INTS4: variants seen among roughly 807,000 people sequenced by gnomAD.
INTS4 encodes the protein MSTP093.
A neutral mutation model predicts 119.5 loss-of-function variants in INTS4; 70 were observed. The ratio of observed to expected loss-of-function variants is 0.59; its 90% confidence interval spans 0.48 to 0.71. The LOEUF (loss-of-function observed/expected upper bound fraction) is 0.71, where lower values mean the gene tolerates loss of function less well. Among genes scored for constraint, INTS4 ranks in the 30% least tolerant of loss-of-function variants. INTS4 has a pLI of 0.00. For missense variants in INTS4, 867 were observed against 1,173.2 expected (o/e 0.74, Z 3.81); for synonymous variants, 316 against 419.6 (o/e 0.75, Z 3.02).
intron 8 of INTS4, among the ~76,000 whole-genome samples, chr11:77,946,376 C>T (rs1954047735): frequency 6.6e-6 from 1 of 152,108 alleles, no homozygotes; most frequent in Admixed American, 6.6e-5. Flanking sequence ...TTGAAAAGAG[C>T]AACTACTCTA....
chr11:77,934,618 TA>T (rs1367606572), intron 10 of INTS4, among the ~76,000 whole-genome samples: 1 of 151,522 alleles, frequency 6.6e-6, no homozygotes, highest in Admixed American at 6.6e-5. Context: ...AATAAAAAAA[TA>T]AAAAAATAAA....
intron 2 of INTS4, 65 bp from the exon 3 acceptor site, chr11:77,981,641 T>A: frequency 1.4e-6 from 1 of 736,416 alleles, no homozygotes; most frequent in Non-Finnish European, 2.2e-6. Flanking sequence ...AACAGGAACA[T>A]GGAAAACTAA....
intron 18 of INTS4, among the ~76,000 whole-genome samples, chr11:77,897,385 G>A (rs1214773015): frequency 1.3e-5 from 2 of 150,716 alleles, no homozygotes; most frequent in Non-Finnish European, 3.0e-5. Flanking sequence ...AAATAAAGAA[G>A]GATATACAAG....
intron 1 of INTS4, among the ~76,000 whole-genome samples, chr11:77,993,536 G>A (rs1429122787): frequency 6.6e-6 from 1 of 152,222 alleles, no homozygotes; most frequent in Non-Finnish European, 1.5e-5. Context: ...ATGTTGGGAA[G>A]AGAGGAAATC....
intron 21 of INTS4, among the ~76,000 whole-genome samples, chr11:77,884,309 A>G (rs1211548747): frequency 6.6e-6 from 1 of 152,224 alleles, no homozygotes; most frequent in Non-Finnish European, 1.5e-5. Flanking sequence ...CCCAGCATCC[A>G]TCACCAACCA....
chr11:77,926,426 A>G (rs1953501606), intron 11 of INTS4, among the ~76,000 whole-genome samples: 1 of 152,240 alleles, frequency 6.6e-6, no homozygotes, highest in Non-Finnish European at 1.5e-5. Flanking sequence ...ACATCAAAAC[A>G]TAGCTTGGAA....
At position 77,964,696 on chromosome 11, in the gene INTS4, A is replaced by G. The variant is rs187506519; in HGVS notation, c.472-3558T>C. 2.3e-3 allele frequency among the ~76,000 whole-genome samples: 344 copies of G among 152,116 alleles called. 2 individuals carry two copies. The highest frequency in any genetic ancestry group is 8.1e-3 in the African/African-American group (336 of 41,538). ...AATAAAGCAGGAGACAAATGGAAGG[A>G]AGGAGGAAGGAATGAGGAAGGGCAA... On this transcript the variant is annotated intron_variant, in intron 4 of 22. Transcript: ENST00000534064.
At chr11:77,918,416 CAAA>C (rs34005455) in intron 15 of INTS4, 487 of 58,270 alleles carry the variant, frequency 8.4e-3, no homozygotes, top group South Asian at 0.036. Context: ...GACCCTGTCT[CAAA>C]AAAAAAAAAA....
chr11:77,907,641 T>G, intron 16 of INTS4, 76 bp downstream of exon 16: 1 of 995,962 alleles, frequency 1.0e-6, no homozygotes, highest in Non-Finnish European at 1.6e-6. Context: ...TTATAACTTA[T>G]GGCCTCACAC....
chr11:77,913,825 T>C (rs572366935), intron 15 of INTS4, among the ~76,000 whole-genome samples: 82 of 152,302 alleles, frequency 5.4e-4, no homozygotes, highest in African/African-American at 1.9e-3. Context: ...CAGTGAAATT[T>C]GTTTTACACT....
intron 22 of INTS4, among the ~76,000 whole-genome samples, 195 bp from the exon 23 acceptor site, chr11:77,879,322 G>C (rs1951702299): frequency 6.6e-6 from 1 of 152,110 alleles, no homozygotes; most frequent in African/African-American, 2.4e-5. Context: ...CTTCCCCTTG[G>C]GCTCACTGTG....
chr11:77,967,628 A>T (rs1855557367), intron 4 of INTS4, among the ~76,000 whole-genome samples: 1 of 152,188 alleles, frequency 6.6e-6, no homozygotes, highest in African/African-American at 2.4e-5. Flanking sequence ...ATCATGAACA[A>T]GTCAAACGTC....
intron 4 of INTS4, among the ~76,000 whole-genome samples, chr11:77,962,137 T>C (rs536077573): frequency 1.3e-5 from 2 of 152,266 alleles, no homozygotes; most frequent in South Asian, 2.1e-4. Flanking sequence ...AATGGGACTA[T>C]AGGCATGTGG....
chr11:77,878,206 C>CA (rs1450010627), downstream of INTS4, among the ~76,000 whole-genome samples: 2 of 151,854 alleles, frequency 1.3e-5, no homozygotes, highest in African/African-American at 2.4e-5. Flanking sequence ...ACTAAAAATA[C>CA]AAAAAATTAG....
At chr11:77,916,828 G>A (rs1232418397) in intron 15 of INTS4, among the ~76,000 whole-genome samples, 1 of 152,198 alleles carries the variant, frequency 6.6e-6, no homozygotes, top group Non-Finnish European at 1.5e-5. Flanking sequence ...TCTCTTCACT[G>A]TATCATTTAT....
chr11:77,974,602 CTT>C (rs34323538), intron 4 of INTS4, among the ~76,000 whole-genome samples: 72 of 137,150 alleles, frequency 5.2e-4, no homozygotes, highest in East Asian at 1.1e-3. Flanking sequence ...GTAATCATGT[CTT>C]TTTTTTTTTT....
chr11:77,903,616 A>C lies in INTS4; in HGVS notation c.2021T>G (p.Leu674Trp). 2.5e-6 allele frequency: 4 copies of C among 1,613,366 alleles called. No homozygotes were observed. The highest frequency in any genetic ancestry group is 3.4e-6 in the Non-Finnish European group (4 of 1,179,504). The change falls in exon 17 of 23, where the codon TTG becomes TGG. Residue 674 changes from leucine to tryptophan, a missense_variant. Physicochemically the swap from Leu to Trp is moderately conservative, Grantham distance 61 (BLOSUM62 -2). Around this residue, in one of 5 missense-constraint regions of INTS4, gnomAD observed 262 missense variants for 376.0 expected, o/e 0.70. Transcript: ENST00000534064. ...AGCTACATTCCACAACTTTTCCTGC[A>C]AGGCCTACGCAGACAAATCAGGAGG... ...LRCQLLLIKA[L>W]QEKLWNVAAP...
Position 77,956,012 on chromosome 11 carries a change from G to T in INTS4, c.848C>A (p.Ala283Glu), listed in dbSNP as rs766516019. ...GACCATGTGACAAATTTTGCCAAAC[G>T]CATCATCAACTAAGCGTATTTCTTC... ...SNEEIRLVDD[A>E]FGKICHMVSD... Residue 283 changes from alanine (A) to glutamate (E), a missense_variant, in exon 8 of 23, where the codon GCG becomes GAG. By Grantham distance (107) the Ala-to-Glu change is moderately radical (BLOSUM62 -1). Around this residue, in one of 5 missense-constraint regions of INTS4, gnomAD observed 208 missense variants for 306.6 expected, o/e 0.68. Transcript: ENST00000534064. The T allele has an allele frequency of 1.2e-6, 2 of 1,610,708 alleles. No individual in the cohort carries two copies. Among genetic ancestry groups the T allele is most frequent in the Non-Finnish European group, 1.7e-6 (2 of 1,179,556 alleles).
At chr11:77,960,141 G>A (rs892211652) in intron 6 of INTS4, among the ~76,000 whole-genome samples, 200 bp downstream of exon 6, 1 of 151,926 alleles carries the variant, frequency 6.6e-6, no homozygotes, top group Non-Finnish European at 1.5e-5. Flanking sequence ...CTTTTCACAT[G>A]TACTAGCGCT....
Sources: allele counts gnomAD v4.1 joint callset (sites outside exome capture counted in the v4.1 genomes callset), GRCh38; gene constraint gnomAD v4.1.1; regional missense constraint gnomAD v4.1.1; transcripts MANE v1.5; gene names NCBI Gene and HGNC (gene_info 2026-07-23, HGNC 2026-07-21).